GRID2: variants seen among roughly 807,000 people sequenced by gnomAD.
GRID2 encodes the protein glutamate receptor ionotropic, delta-2.
GRID2 carries 33 observed loss-of-function variants against 114.8 expected under a neutral mutation model. The ratio of observed to expected loss-of-function variants is 0.29; its 90% CI spans 0.22 to 0.38. The LOEUF (loss-of-function observed/expected upper bound fraction) is 0.38. GRID2 is among the 10% of genes least tolerant of loss of function. The pLI is 1.00. For synonymous variants in GRID2, 505 were observed against 449.9 expected (o/e 1.12, Z -1.55); for missense variants, 1,184 against 1,257.7 (o/e 0.94, Z 0.89).
At chr4:92,725,343 T>C (rs1736018486) in intron 2 of GRID2, among the ~76,000 whole-genome samples, 1 of 152,098 alleles carries the variant, frequency 6.6e-6, no homozygotes, top group Non-Finnish European at 1.5e-5. Context: ...GTAAGTTGGA[T>C]AAATTGGAGA....
chr4:92,938,898 C>A lies in GRID2; in HGVS notation c.245-146097C>A, dbSNP rs1202181042. 1.4e-5 allele frequency among the ~76,000 whole-genome samples: 2 copies of A among 146,932 alleles called. 1 individual carries two copies. Among genetic ancestry groups the A allele is most frequent in the South Asian group, 4.6e-4 (2 of 4,360 alleles). ...GTCCCTACAAAGGACATGAACTCAT[C>A]ATTTTTTATGGCTGCATAGTATTCC... On this transcript the variant is annotated intron_variant, in intron 2 of 15. Transcript: ENST00000282020.
intron 14 of GRID2, among the ~76,000 whole-genome samples, chr4:93,630,902 T>C (rs1743185371): frequency 6.6e-6 from 1 of 152,188 alleles, no homozygotes; most frequent in African/African-American, 2.4e-5. Context: ...ATATTTCTTC[T>C]AAAAGCATAT....
At chr4:93,318,182 G>A (rs1240588295) in intron 8 of GRID2, among the ~76,000 whole-genome samples, 1 of 151,200 alleles carries the variant, frequency 6.6e-6, no homozygotes, top group Non-Finnish European at 1.5e-5. Context: ...TAAATGATGT[G>A]TGAATTTTTT....
rs1461061124 is a variant in GRID2, at chr4:92,713,470, CATATACATATATATATAT to C, written c.244+123190_244+123207del. Among the ~76,000 whole-genome samples, 288 of 74,864 alleles carry C rather than the reference CATATACATATATATATAT, an allele frequency of 3.8e-3. 6 individuals are homozygous for C. Among genetic ancestry groups the C allele is most frequent in the African/African-American group, 0.01 (195 of 19,462 alleles). The allele number at this position is 74,864 out of a possible 152,430, so 49.1% of individuals were successfully genotyped here. A position where few individuals can be genotyped will look rare whatever the true frequency, so the allele number is the denominator to read the frequency against. ...GACAGTTTACATATATTTACATATA[CATATACATATATATATAT>C]ATATATATATATATATATATATATA... On this transcript the variant is annotated intron_variant, in intron 2 of 15. Coordinates refer to ENST00000282020, the MANE Select transcript of GRID2 (RefSeq NM_001510.4).
chr4:92,580,110 C>CAG (rs1728107978), intron 1 of GRID2, among the ~76,000 whole-genome samples: 1 of 149,634 alleles, frequency 6.7e-6, no homozygotes, highest in Non-Finnish European at 1.5e-5. Context: ...CTAATAAATA[C>CAG]CTAGAAAATT....
chr4:93,163,360 A>G (rs1183874940), intron 4 of GRID2, among the ~76,000 whole-genome samples: 169 of 28,674 alleles, frequency 5.9e-3, no homozygotes, highest in Middle Eastern at 0.05. Context: ...TTTTGTGTAT[A>G]TATATATATA....
chr4:93,452,144 A>G (rs544282254), intron 10 of GRID2, among the ~76,000 whole-genome samples: 3 of 152,292 alleles, frequency 2.0e-5, no homozygotes, highest in African/African-American at 7.2e-5. Flanking sequence ...AACTGCTAAC[A>G]TGAGCTTGAA....
At chr4:92,331,934 C>T (rs1036463124) in intron 1 of GRID2, among the ~76,000 whole-genome samples, 6 of 152,136 alleles carry the variant, frequency 3.9e-5, no homozygotes, top group Non-Finnish European at 7.3e-5. Flanking sequence ...TATTGCTGCA[C>T]TAGGAGTACA....
rs189723246 is a variant in GRID2 at position 92,849,726 on chromosome 4, C to T, written c.245-235269C>T. ...TATTACCAAGACATTATAATCTCTA[C>T]CTTAATTTATTATTTATTATGTAAG... On this transcript the variant is annotated intron_variant, in intron 2 of 15. Coordinates refer to ENST00000282020, the MANE Select transcript of GRID2 (RefSeq NM_001510.4). Among the ~76,000 whole-genome samples the T allele has an allele frequency of 5.9e-5, 9 of 151,722 alleles. No individual in the cohort carries two copies. The Admixed American group carries it at 5.9e-4, about 10-fold the overall frequency.
At chr4:93,673,815 G>A (rs991046475) in intron 14 of GRID2, among the ~76,000 whole-genome samples, 3 of 152,072 alleles carry the variant, frequency 2.0e-5, no homozygotes, top group East Asian at 1.9e-4. Flanking sequence ...CTTATGATGC[G>A]CACCATAAAT....
chr4:93,073,935 CT>C (rs1269662560), intron 2 of GRID2, among the ~76,000 whole-genome samples: 2 of 152,206 alleles, frequency 1.3e-5, no homozygotes, highest in Non-Finnish European at 2.9e-5. Flanking sequence ...CCGCGATAAC[CT>C]TGTGCAAAGT....
chr4:92,590,465 C>A (rs956489978), intron 2 of GRID2, among the ~76,000 whole-genome samples, 179 bp downstream of exon 2: 1 of 152,030 alleles, frequency 6.6e-6, no homozygotes, highest in African/African-American at 2.4e-5. Context: ...TTTGAAAGGG[C>A]AGAATGTGGA....
chr4:92,980,159 T>C (rs1186910043), intron 2 of GRID2, among the ~76,000 whole-genome samples: 1 of 152,128 alleles, frequency 6.6e-6, no homozygotes, highest in African/African-American at 2.4e-5. Context: ...AACCCAATTT[T>C]TGACTATTTT....
chr4:93,802,180 T>A (rs1237004215), intron 1 of GRID2, among the ~76,000 whole-genome samples: 1 of 152,016 alleles, frequency 6.6e-6, no homozygotes, highest in Non-Finnish European at 1.5e-5. Context: ...AAAAAGAAAC[T>A]CAAGTAGGCT....
chr4:93,657,302 T>C (rs1723105055), intron 14 of GRID2, among the ~76,000 whole-genome samples: 1 of 152,172 alleles, frequency 6.6e-6, no homozygotes, highest in Non-Finnish European at 1.5e-5. Flanking sequence ...ATTTAGAATA[T>C]TGTATATCAT....
In GRID2 at chr4:92,989,289, A is replaced by AT. The variant is rs1288062868; in HGVS notation, c.245-95706_245-95705insT. Reference sequence around the variant, plus strand: ...GAGACTCCATCTCAAAAAAAAAAAAAAAAAAAAAAAAAATAATAATAATAA... The same window carrying AT: ...GAGACTCCATCTCAAAAAAAAAAAAATAAAAAAAAAAAAATAATAATAATAA... On this transcript the variant is annotated intron_variant, in intron 2 of 15. Transcript: ENST00000282020. Among the ~76,000 whole-genome samples, 35 of 145,930 alleles carry AT rather than the reference A, an allele frequency of 2.4e-4. No individual in the cohort carries two copies. The East Asian group carries it at 2.9e-3, about 12-fold the overall frequency.
chr4:93,399,604 T>C (rs1178523440), intron 9 of GRID2, among the ~76,000 whole-genome samples: 1 of 152,046 alleles, frequency 6.6e-6, no homozygotes, highest in Non-Finnish European at 1.5e-5. Flanking sequence ...GGAAGCATTA[T>C]TACTAGACAA....
chr4:93,186,990 A>G (rs1376738786), intron 4 of GRID2, among the ~76,000 whole-genome samples: 1 of 152,160 alleles, frequency 6.6e-6, no homozygotes, highest in Non-Finnish European at 1.5e-5. Context: ...TAAAGATAGC[A>G]CCTTCTCACT....
intron 13 of GRID2, among the ~76,000 whole-genome samples, chr4:93,519,046 T>G (rs1730085353): frequency 6.6e-6 from 1 of 152,146 alleles, no homozygotes; most frequent in Non-Finnish European, 1.5e-5. Context: ...AAATATAGAC[T>G]CTTATGCCCC....
Sources: gnomAD v4.1 joint callset for allele counts (sites outside exome capture counted in the v4.1 genomes callset) on GRCh38, gnomAD v4.1.1 for gene constraint, MANE v1.5 for transcripts, NCBI Gene and HGNC (gene_info 2026-07-23, HGNC 2026-07-21) for gene names.